The following CCDC174 variants were observed in gnomAD, a reference collection of about 807,000 sequenced individuals.
The protein encoded by CCDC174 is coiled-coil domain-containing protein 174.
Under a neutral mutation model 57.1 loss-of-function variants are expected in CCDC174, and 37 were observed. That is an observed-to-expected ratio of 0.65 (90% CI 0.50 to 0.85). CCDC174 has a LOEUF of 0.85. Ranked by LOEUF, CCDC174 falls within the 40% of genes least tolerant of loss-of-function variation. The pLI is 0.00. For missense variants in CCDC174, 540 were observed against 574.3 expected, an observed-to-expected ratio of 0.94 and a Z score of 0.61; for synonymous variants, 182 against 190.2, an observed-to-expected ratio of 0.96 and a Z score of 0.35.
At chr3:14,654,576 G>T (rs2124829855) in intron 2 of CCDC174, 46 bp downstream of exon 2, 1 of 894,016 alleles carries the variant, frequency 1.1e-6, no homozygotes, top group Non-Finnish European at 1.8e-6. Context: ...AAACATGGGA[G>T]AATTATACCA....
At chr3:14,658,485 C>T (rs948631599) in intron 3 of CCDC174, among the ~76,000 whole-genome samples, 2 of 152,196 alleles carry the variant, frequency 1.3e-5, no homozygotes, top group African/African-American at 4.8e-5. Context: ...AGCAGAGAGG[C>T]TGCTTTGTTG....
chr3:14,666,620 T>G (rs1382935904), intron 6 of CCDC174, among the ~76,000 whole-genome samples, 185 bp from the exon 7 acceptor site: 1 of 149,056 alleles, frequency 6.7e-6, no homozygotes, highest in African/African-American at 2.5e-5. Flanking sequence ...AAGACTAGTC[T>G]CCAAAAAAAA....
intron 1 of CCDC174, among the ~76,000 whole-genome samples, chr3:14,654,219 G>C (rs554112867): frequency 7.7e-4 from 117 of 152,338 alleles, no homozygotes; most frequent in African/African-American, 2.8e-3. Context: ...AAATGCATTT[G>C]CAGCAGAGGT....
chr3:14,666,720 C>A (rs2031353318), intron 6 of CCDC174, 85 bp from the exon 7 acceptor site: 11 of 1,077,398 alleles, frequency 1.0e-5, no homozygotes, highest in Non-Finnish European at 1.4e-5. Flanking sequence ...AATAGTGTTA[C>A]TTATGCATGA....
At chr3:14,664,349 A>T (rs2031248377) in intron 5 of CCDC174, among the ~76,000 whole-genome samples, 1 of 152,236 alleles carries the variant, frequency 6.6e-6, no homozygotes, top group African/African-American at 2.4e-5. Flanking sequence ...CTGTTGCGTC[A>T]TAATACAAAT....
intron 3 of CCDC174, among the ~76,000 whole-genome samples, chr3:14,655,958 C>A (rs541543932): frequency 4.6e-5 from 7 of 152,144 alleles, no homozygotes; most frequent in African/African-American, 9.7e-5. Context: ...ACTTCCCCCC[C>A]ACCTTTTATT....
rs372533633 is a variant in CCDC174, at chr3:14,670,990, G to A, written c.1200G>A (p.Gln400=). The A allele has an allele frequency of 2.5e-6, 4 of 1,614,098 alleles. No individual in the cohort carries two copies. Among genetic ancestry groups the A allele is most frequent in the Non-Finnish European group, 3.4e-6 (4 of 1,180,038 alleles). ...FAPPSDYFVG[Q]KRTGFSSSQA... is the part of the protein sequence containing the mutation. ...CGCCGTCAGATTACTTTGTGGGTCA[G>A]AAGAGAACTGGTTTTTCCAGCAGCC... The change falls in exon 11 of 11, where the codon CAG becomes CAA. Residue 400 remains glutamine, a synonymous_variant. Coordinates refer to ENST00000383794, the MANE Select transcript of CCDC174 (RefSeq NM_016474.5).
rs1227321622 is a variant in CCDC174, at chr3:14,654,429, G to A, written c.46G>A (p.Val16Ile). ...TTACTTACTGCTTTCATTCTAGTTG[G>A]TAGATCTTAAGGCTGAACTCTTCCG... Reference protein sequence around the residue: ...KPLDVTASSLVDLKAELFRKQ... With the variant: ...KPLDVTASSLIDLKAELFRKQ... Residue 16 changes from valine (V) to isoleucine (I), a missense_variant, in exon 2 of 11, where the codon GTA (valine) becomes ATA (isoleucine). Physicochemically the swap from Val to Ile is conservative, Grantham distance 29 (BLOSUM62 3). Transcript: ENST00000383794. 1.3e-5 allele frequency: 20 copies of A among 1,553,118 alleles called. No individual in the cohort carries two copies. The highest frequency in any genetic ancestry group is 1.8e-5 in the Non-Finnish European group (20 of 1,133,986).
Position 14,667,405 on chromosome 3 carries a change from T to G in CCDC174, c.725-19T>G. ...GATCAGGACAGTCTGATCTTTTGGG[T>G]AATTCATACTTCTTTCAGAGGCCCG... On this transcript the variant is annotated intron_variant, in intron 7 of 10. Coordinates refer to ENST00000383794, the MANE Select transcript of CCDC174 (RefSeq NM_016474.5). 1 of 1,597,772 alleles carries G rather than the reference T, an allele frequency of 6.3e-7. No individual in the cohort carries two copies. The highest frequency in any genetic ancestry group is 8.6e-7 in the Non-Finnish European group (1 of 1,165,268).
chr3:14,658,426 C>T (rs2031027752), intron 3 of CCDC174, among the ~76,000 whole-genome samples: 2 of 152,240 alleles, frequency 1.3e-5, no homozygotes, highest in Admixed American at 6.5e-5. Context: ...ATTGCTTACC[C>T]TCTCATGGTC....
intron 3 of CCDC174, among the ~76,000 whole-genome samples, chr3:14,657,671 C>T (rs1006939723): frequency 1.3e-5 from 2 of 152,208 alleles, no homozygotes; most frequent in Non-Finnish European, 1.5e-5. Flanking sequence ...CTCTATTTTG[C>T]ACCATTCTCT....
At chr3:14,665,642 G>A (rs1404301914) in intron 6 of CCDC174, among the ~76,000 whole-genome samples, 3 of 152,112 alleles carry the variant, frequency 2.0e-5, no homozygotes, top group African/African-American at 4.8e-5. Flanking sequence ...CTTACCATAG[G>A]AACTTTTATG....
intron 2 of CCDC174, among the ~76,000 whole-genome samples, chr3:14,654,739 A>G (rs367786947): frequency 8.5e-4 from 130 of 152,340 alleles, no homozygotes; most frequent in African/African-American, 2.9e-3. Flanking sequence ...ATTCTTTAGC[A>G]CTTCTTTTGG....
At position 14,665,060 on chromosome 3, in the gene CCDC174, G is replaced by A. The variant is rs748607736; in HGVS notation, c.518G>A (p.Arg173Gln). Residue 173 changes from arginine to glutamine, a missense_variant, in exon 6 of 11, where the codon CGG becomes CAG. Physicochemically the swap from Arg to Gln is conservative, Grantham distance 43 (BLOSUM62 1). Transcript: ENST00000383794. ...TACGTGGACTCTTTGGGGCGTTCCC[G>A]GCGCTGTATGAGAAAGGATTTGCCA... ...VDYVDSLGRS[R>Q]RCMRKDLPDL... is the part of the protein sequence containing the mutation. The A allele has an allele frequency of 7.4e-6, 12 of 1,613,926 alleles. No homozygotes were observed. Among genetic ancestry groups the A allele is most frequent in the East Asian group, 2.2e-5 (1 of 44,894 alleles).
chr3:14,655,618 A>G lies in CCDC174; in HGVS notation c.237A>G (p.Leu79=), dbSNP rs1433962360. The change falls in exon 3 of 11, where the codon TTA becomes TTG. Residue 79 remains leucine (L), a synonymous_variant. Transcript: ENST00000383794. The part of the protein sequence containing the change: ...AEQKIEEQKT[L]DKAREKLEEK... ...AGAAGATTGAAGAACAGAAGACTTT[A>G]GACAAAGCAAGGTAAAGTTATAAGC... 3 of 1,604,920 alleles carry G rather than the reference A, an allele frequency of 1.9e-6. No homozygotes were observed. The Admixed American group carries it at 5.1e-5, about 27-fold the overall frequency.
chr3:14,661,850 G>A, intron 5 of CCDC174, 143 bp downstream of exon 5: 1 of 653,184 alleles, frequency 1.5e-6, no homozygotes. Flanking sequence ...AAGTTAGGTT[G>A]GATTAGGTTA....
At position 14,670,925 on chromosome 3, in the gene CCDC174, C is replaced by T. The variant is rs761643570; in HGVS notation, c.1135C>T (p.Gln379Ter). Residue 379 changes from glutamine to a stop codon, truncating the protein, a stop_gained, in exon 11 of 11, where the codon CAG (glutamine) becomes TAG (stop). Transcript: ENST00000383794. LOFTEE classifies it low-confidence loss of function (END_TRUNC). ...EFSFGYWSKR[Q>*]SDLRAERDPE... The stretch of plus-strand genomic sequence containing the variant: ...TTCCTTTGGATACTGGTCGAAGAGG[C>T]AGTCAGATCTCCGGGCTGAGAGAGA... 6.2e-7 allele frequency: 1 copy of T among 1,611,060 alleles called. No homozygotes were observed. Among genetic ancestry groups the T allele is most frequent in the Non-Finnish European group, 8.5e-7 (1 of 1,177,522 alleles).
chr3:14,664,437 C>G (rs2124842978), intron 5 of CCDC174, among the ~76,000 whole-genome samples: 1 of 152,268 alleles, frequency 6.6e-6, no homozygotes, highest in South Asian at 2.1e-4. Flanking sequence ...TGCTATCTGC[C>G]TGGCTTAGCT....
chr3:14,656,217 T>C (rs2030955083), intron 3 of CCDC174, among the ~76,000 whole-genome samples: 1 of 152,188 alleles, frequency 6.6e-6, no homozygotes, highest in Non-Finnish European at 1.5e-5. Context: ...ATTAGTATTA[T>C]CTATTTTGTG....
Sources: gnomAD v4.1 joint callset for allele counts (sites outside exome capture counted in the v4.1 genomes callset) on GRCh38, gnomAD v4.1.1 for gene constraint, MANE v1.5 for transcripts, NCBI Gene and HGNC (gene_info 2026-07-23, HGNC 2026-07-21) for gene names.